Variants in VPS13B observed in about 807,000 individuals in gnomAD.
VPS13B encodes intermembrane lipid transfer protein VPS13B.
In VPS13B, 285 loss-of-function variants were observed where a neutral mutation model predicts 426.4. The ratio of observed to expected loss-of-function variants is 0.67; its 90% CI spans 0.61 to 0.74. VPS13B has a LOEUF of 0.74. Ranked by LOEUF, VPS13B falls within the 30% of genes least tolerant of loss-of-function variation. The probability of loss-of-function intolerance (pLI) is 0.00; values close to 1 mark genes in which losing one functional copy is unlikely to be tolerated. For missense variants in VPS13B, 4,537 were observed against 4,782.6 expected, an observed-to-expected ratio of 0.95 and a Z score of 1.51; for synonymous variants, 1,676 against 1,676.4, an observed-to-expected ratio of 1.00 and a Z score of 0.01.
chr8:99,516,758 A>G (rs1024216455), intron 29 of VPS13B, among the ~76,000 whole-genome samples: 1 of 135,578 alleles, frequency 7.4e-6, no homozygotes, highest in African/African-American at 2.7e-5. Flanking sequence ...ACCAAACTCC[A>G]GCCTGGGTGA....
chr8:99,234,486 C>T, intron 17 of VPS13B: 1 of 540,312 alleles, frequency 1.9e-6, no homozygotes, highest in South Asian at 1.5e-5. Context: ...CCCGCCCCGA[C>T]TCTACACGCC....
At chr8:99,299,640 G>A (rs184342252) in intron 19 of VPS13B, among the ~76,000 whole-genome samples, 12 of 151,574 alleles carry the variant, frequency 7.9e-5, no homozygotes, top group Non-Finnish European at 1.5e-4. Flanking sequence ...GGCCAGGCAC[G>A]GTGGCTCATG....
chr8:99,568,971 C>T (rs919251381), intron 31 of VPS13B, among the ~76,000 whole-genome samples: 1 of 151,900 alleles, frequency 6.6e-6, no homozygotes, highest in African/African-American at 2.4e-5. Context: ...GCCACCACGC[C>T]CGGCTAATTT....
chr8:99,640,004 T>G (rs1162423625), intron 33 of VPS13B, among the ~76,000 whole-genome samples: 881 of 75,820 alleles, frequency 0.012, 22 homozygotes, highest in African/African-American at 0.041. Context: ...ATAATAATAA[T>G]AATAATAATA....
intron 16 of VPS13B, among the ~76,000 whole-genome samples, chr8:99,179,622 G>T (rs532816903): frequency 1.3e-5 from 2 of 152,230 alleles, no homozygotes; most frequent in African/African-American, 4.8e-5. Context: ...ATGAGATAAT[G>T]TTCTTGTTTT....
At chr8:99,192,771 C>T (rs1033968663) in intron 16 of VPS13B, 105 bp from the exon 17 acceptor site, 3 of 1,207,106 alleles carry the variant, frequency 2.5e-6, no homozygotes, top group African/African-American at 3.0e-5. Flanking sequence ...TGCATACATA[C>T]TTTGGATGTA....
chr8:99,474,570 GA>G (rs1819592392), intron 24 of VPS13B, among the ~76,000 whole-genome samples: 1 of 152,078 alleles, frequency 6.6e-6, no homozygotes, highest in Non-Finnish European at 1.5e-5. Flanking sequence ...GACTTGAGCA[GA>G]TACTTCACAA....
At chr8:99,428,056 A>C (rs1226457620) in intron 21 of VPS13B, among the ~76,000 whole-genome samples, 2 of 152,218 alleles carry the variant, frequency 1.3e-5, no homozygotes, top group African/African-American at 4.8e-5. Context: ...CCATTTAATA[A>C]ATGGTGCTGG....
chr8:99,195,616 G>C (rs1035377865), intron 17 of VPS13B, among the ~76,000 whole-genome samples: 1 of 152,074 alleles, frequency 6.6e-6, no homozygotes, highest in Non-Finnish European at 1.5e-5. Flanking sequence ...TTCATTTCCT[G>C]TGCTTTTAGG....
chr8:99,622,769 G>A (rs1828421470), intron 33 of VPS13B, among the ~76,000 whole-genome samples: 2 of 151,998 alleles, frequency 1.3e-5, no homozygotes, highest in African/African-American at 4.8e-5. Context: ...AGTTGCTAAG[G>A]CCAAATATGA....
intron 3 of VPS13B, among the ~76,000 whole-genome samples, chr8:99,084,762 C>T (rs1454315045): frequency 2.0e-5 from 3 of 152,116 alleles, no homozygotes; most frequent in Non-Finnish European, 4.4e-5. Flanking sequence ...AGTTGAGTGG[C>T]TTTGAGTGAG....
chr8:99,870,911 C>CAACTT (rs749280577), intron 60 of VPS13B, 24 bp downstream of exon 60: 1 of 1,604,896 alleles, frequency 6.2e-7, no homozygotes, highest in South Asian at 1.1e-5. Context: ...GATACGTGCT[C>CAACTT]AACTTTACAT....
chr8:99,234,587 C>T (rs1588161612), intron 17 of VPS13B: 2 of 407,856 alleles, frequency 4.9e-6, no homozygotes, highest in Non-Finnish European at 9.4e-6. Context: ...CTTGTGCTGG[C>T]GAGAGTTGGG....
At chr8:99,181,466 C>T (rs930378334) in intron 16 of VPS13B, among the ~76,000 whole-genome samples, 2 of 152,286 alleles carry the variant, frequency 1.3e-5, no homozygotes, top group African/African-American at 4.8e-5. Flanking sequence ...AATATAGGCT[C>T]TGCCACTTCC....
intron 19 of VPS13B, among the ~76,000 whole-genome samples, chr8:99,361,710 A>G (rs1812568583): frequency 6.6e-6 from 1 of 152,198 alleles, no homozygotes; most frequent in East Asian, 1.9e-4. Flanking sequence ...CCTTAGCCAG[A>G]TAATTCAACA....
chr8:99,370,857 A>C (rs1488923324), intron 19 of VPS13B, among the ~76,000 whole-genome samples: 1 of 152,012 alleles, frequency 6.6e-6, no homozygotes, highest in Non-Finnish European at 1.5e-5. Flanking sequence ...TCATCCGCCC[A>C]TCTCGGCCTC....
intron 50 of VPS13B, among the ~76,000 whole-genome samples, chr8:99,822,826 A>G (rs1020632367): frequency 3.6e-4 from 55 of 152,274 alleles, no homozygotes; most frequent in African/African-American, 1.3e-3. Context: ...ATATACAAAT[A>G]TATATTCCAT....
At chr8:99,438,704 A>T (rs1461632008) in intron 22 of VPS13B, among the ~76,000 whole-genome samples, 1 of 152,162 alleles carries the variant, frequency 6.6e-6, no homozygotes, top group African/African-American at 2.4e-5. Flanking sequence ...ACATATGATG[A>T]TATCCAAAAT....
At position 99,819,983 on chromosome 8, in the gene VPS13B, A is replaced by G. The variant is rs781672422; in HGVS notation, c.8855A>G (p.Tyr2952Cys). Reference protein sequence around the residue: ...MRVKLSIWKPYVRTLLIELLP... With the variant: ...MRVKLSIWKPCVRTLLIELLP... ...GTGAAGCTGTCAATCTGGAAGCCATATGTTAGAACTTTGTTGATAGAACTT... is the reference window on the plus strand; with the variant it reads ...GTGAAGCTGTCAATCTGGAAGCCATGTGTTAGAACTTTGTTGATAGAACTT... The change falls in exon 49 of 62, where the codon TAT becomes TGT. Residue 2952 changes from tyrosine (Y) to cysteine (C), a missense_variant. Tyr to Cys is a radical substitution (Grantham distance 194). Transcript: ENST00000357162. 1.9e-6 allele frequency: 3 copies of G among 1,613,956 alleles called. No individual in the cohort carries two copies. The highest frequency in any genetic ancestry group is 2.7e-5 in the African/African-American group (2 of 74,934).
Sources: gnomAD v4.1 joint callset for allele counts (sites outside exome capture counted in the v4.1 genomes callset) on GRCh38, gnomAD v4.1.1 for gene constraint, MANE v1.5 for transcripts, NCBI Gene and HGNC (gene_info 2026-07-23, HGNC 2026-07-21) for gene names.